The following CDYL variants were observed in gnomAD, a reference collection of about 807,000 sequenced individuals.
CDYL encodes the protein chromodomain Y like, also known as chromodomain Y-like protein.
A neutral mutation model predicts 47.3 loss-of-function variants in CDYL; 8 were observed. That is an observed-to-expected ratio of 0.17 (90% confidence interval 0.10 to 0.31). The LOEUF (loss-of-function observed/expected upper bound fraction) is 0.31. Ranked by LOEUF, CDYL falls within the 10% of genes least tolerant of loss-of-function variation. CDYL has a pLI of 1.00. For missense variants in CDYL, 471 were observed against 701.4 expected, an observed-to-expected ratio of 0.67 and a Z score of 3.71; for synonymous variants, 266 against 265.0, an observed-to-expected ratio of 1.00 and a Z score of -0.04.
chr6:4,710,891 A>G (rs1757140149), intron 1 of CDYL, among the ~76,000 whole-genome samples: 1 of 147,230 alleles, frequency 6.8e-6, no homozygotes, highest in African/African-American at 2.5e-5. Context: ...GAAATTGGCA[A>G]AGAGTGTAGA....
At chr6:4,824,805 C>G (rs1404474456) in intron 1 of CDYL, among the ~76,000 whole-genome samples, 1 of 151,838 alleles carries the variant, frequency 6.6e-6, no homozygotes, top group Non-Finnish European at 1.5e-5. Flanking sequence ...TTTTGACTTT[C>G]TGGGACCTTT....
chr6:4,953,755 G>A (rs770797300), intron 6 of CDYL, 143 bp from the exon 7 acceptor site: 34 of 732,226 alleles, frequency 4.6e-5, no homozygotes, highest in African/African-American at 4.6e-4. Context: ...TGTTAGGCCC[G>A]ACATATTGTG....
intron 2 of CDYL, among the ~76,000 whole-genome samples, chr6:4,915,520 T>C (rs1581261243): frequency 6.6e-6 from 1 of 152,168 alleles, no homozygotes; most frequent in Admixed American, 6.5e-5. Flanking sequence ...CATTATACCC[T>C]TACCGCTTTG....
rs752918147 is a variant in CDYL at position 4,952,304 on chromosome 6, G to A, written c.1371G>A (p.Ala457=). The change falls in exon 6 of 7, where the codon GCG becomes GCA. Residue 457 remains alanine (A), a synonymous_variant. Coordinates refer to ENST00000397588, the MANE Select transcript of CDYL (RefSeq NM_004824.4). ...TGCTCAGTGGACGGAAGCTGACAGC[G>A]CAGGAGGCGTGTGGCAAGGGCCTGG... ...EMLLSGRKLT[A]QEACGKGLVS... is the part of the protein sequence containing the mutation. The A allele has an allele frequency of 4.4e-5, 71 of 1,614,022 alleles. No individual in the cohort carries two copies. Among genetic ancestry groups the A allele is most frequent in the Non-Finnish European group, 5.5e-5 (65 of 1,180,032 alleles).
At position 4,780,532 on chromosome 6, in the gene CDYL, G is replaced by C. The variant is rs773459468; in HGVS notation, c.24+3725G>C. Among the ~76,000 whole-genome samples the C allele has an allele frequency of 2.8e-4, 43 of 151,698 alleles. 1 individual carries two copies. Among genetic ancestry groups the C allele is most frequent in the Non-Finnish European group, 5.4e-4 (37 of 67,996 alleles). On this transcript the variant is annotated intron_variant, in intron 1 of 6. Coordinates refer to ENST00000397588, the MANE Select transcript of CDYL (RefSeq NM_004824.4). ...GATCCGCCCACCTTGGCCTCCCAAA[G>C]TGCTGGGATTACAGGCATGAGTCAC...
intron 1 of CDYL, among the ~76,000 whole-genome samples, chr6:4,780,381 G>A (rs1475853760): frequency 8.5e-6 from 1 of 117,758 alleles, no homozygotes; most frequent in African/African-American, 3.2e-5. Flanking sequence ...TTACAGACGT[G>A]CACCACCCCC....
At position 4,926,314 on chromosome 6, in the gene CDYL, T is replaced by C. The variant is rs557089525; in HGVS notation, c.692-9201T>C. Among the ~76,000 whole-genome samples, 17 of 151,838 alleles carry C rather than the reference T, an allele frequency of 1.1e-4. No individual in the cohort carries two copies. In the South Asian group the frequency reaches 3.5e-3, roughly 31 times the overall value. ...TAGGTGAATAGGATTACGTTCAATA[T>C]ATGTAAATAACAATATTTTGAAATA... On this transcript the variant is annotated intron_variant, in intron 2 of 6. Transcript: ENST00000397588.
At chr6:4,948,536 C>T (rs76511520) in intron 5 of CDYL, among the ~76,000 whole-genome samples, 9 of 151,772 alleles carry the variant, frequency 5.9e-5, no homozygotes, top group Admixed American at 2.6e-4. Flanking sequence ...TTTTCACCCC[C>T]GACCTCACCC....
chr6:4,840,446 A>G (rs1760453949), intron 1 of CDYL, among the ~76,000 whole-genome samples: 1 of 152,210 alleles, frequency 6.6e-6, no homozygotes, highest in Non-Finnish European at 1.5e-5. Flanking sequence ...TATGTTGAAT[A>G]GAAATGGTGA....
rs542079121 is a variant in CDYL, at chr6:4,901,247, G to A, written c.691+8868G>A. Reference sequence around the variant, plus strand: ...AACTTTAACTGATACAAGGACAAAGGGGGGGAAATCACATTTTCAGATTAA... The same window carrying A: ...AACTTTAACTGATACAAGGACAAAGAGGGGGAAATCACATTTTCAGATTAA... On this transcript the variant is annotated intron_variant, in intron 2 of 6. Coordinates refer to ENST00000397588, the MANE Select transcript of CDYL (RefSeq NM_004824.4). 1.4e-4 allele frequency among the ~76,000 whole-genome samples: 21 copies of A among 151,930 alleles called. No individual in the cohort carries two copies. In the South Asian group the frequency reaches 2.3e-3, roughly 17 times the overall value.
chr6:4,848,780 C>T (rs1369154795), intron 1 of CDYL, among the ~76,000 whole-genome samples: 5 of 152,190 alleles, frequency 3.3e-5, no homozygotes, highest in Non-Finnish European at 1.5e-5. Flanking sequence ...GTATAGAAGA[C>T]GCAGTTGCGT....
intron 1 of CDYL, among the ~76,000 whole-genome samples, chr6:4,830,461 A>G (rs913038515): frequency 6.6e-6 from 1 of 152,100 alleles, no homozygotes. Flanking sequence ...TCACAGCCAC[A>G]TTTACTGGCA....
chr6:4,724,263 C>T (rs924082180), intron 2 of CDYL: 2 of 151,962 alleles, frequency 1.3e-5, no homozygotes, highest in African/African-American at 2.4e-5. Context: ...GTTGGCCCGG[C>T]TGGTCTCAAA....
In CDYL at chr6:4,739,191, A is replaced by AAAAATAAAATAAAAT. The variant is rs560432926; in HGVS notation, c.186+4367_186+4381dup. Among the ~76,000 whole-genome samples the AAAAATAAAATAAAAT allele has an allele frequency of 2.5e-3, 366 of 149,154 alleles. 4 individuals carry two copies. The highest frequency in any genetic ancestry group is 2.3e-3 in the South Asian group (11 of 4,754). On this transcript the variant is annotated intron_variant, in intron 3 of 8. Transcript: ENST00000328908. The stretch of plus-strand genomic sequence containing the variant: ...ATAAATAAATAAATAATTAAATAAT[A>AAAAATAAAATAAAAT]AAAATAAAATAAAATAAAATAAAAT...
At chr6:4,714,926 T>C (rs1463959779) in intron 1 of CDYL, 2 of 152,320 alleles carry the variant, frequency 1.3e-5, no homozygotes, top group East Asian at 1.9e-4. Context: ...TGACATGTTA[T>C]AATAGTTTTA....
At chr6:4,859,307 C>CTT (rs141977148) in intron 1 of CDYL, among the ~76,000 whole-genome samples, 5 of 149,806 alleles carry the variant, frequency 3.3e-5, no homozygotes, top group African/African-American at 9.8e-5. Context: ...TACTTGTAGT[C>CTT]TTTTTTTTTT....
intron 1 of CDYL, among the ~76,000 whole-genome samples, chr6:4,831,380 G>A (rs1229234687): frequency 6.6e-6 from 1 of 152,152 alleles, no homozygotes; most frequent in East Asian, 1.9e-4. Context: ...TCAAAGATCA[G>A]ATAGTTGTAG....
intron 6 of CDYL, among the ~76,000 whole-genome samples, chr6:4,953,008 A>G (rs1002948519): frequency 3.3e-5 from 5 of 150,784 alleles, no homozygotes; most frequent in African/African-American, 4.9e-5. Flanking sequence ...CCTCAAGTTG[A>G]TCCACCCACC....
chr6:4,787,521 G>A (rs879476461), intron 1 of CDYL, among the ~76,000 whole-genome samples: 3 of 152,170 alleles, frequency 2.0e-5, no homozygotes, highest in Non-Finnish European at 4.4e-5. Context: ...ATGTTGAAAA[G>A]ATCATGGAAA....
Sources: gnomAD v4.1 joint callset for allele counts (sites outside exome capture counted in the v4.1 genomes callset) on GRCh38, gnomAD v4.1.1 for gene constraint, MANE v1.5 for transcripts, NCBI Gene and HGNC (gene_info 2026-07-23, HGNC 2026-07-21) for gene names.